CACNA1A: variants seen among roughly 807,000 people sequenced by gnomAD.
CACNA1A encodes the protein voltage-dependent P/Q-type calcium channel subunit alpha-1A.
A neutral mutation model predicts 262.4 loss-of-function variants in CACNA1A; 57 were observed. That is an observed-to-expected ratio of 0.22 (90% CI 0.18 to 0.27). The LOEUF (loss-of-function observed/expected upper bound fraction) is 0.27, where lower values mean the gene tolerates loss of function less well. Among genes scored for constraint, CACNA1A ranks in the 10% least tolerant of loss-of-function variants. CACNA1A has a pLI of 1.00. For synonymous variants in CACNA1A, 1,431 were observed against 1,419.3 expected (o/e 1.01, Z -0.18); for missense variants, 2,526 against 3,562.8 (o/e 0.71, Z 7.41).
At chr19:13,282,946 C>T (rs930192868) in intron 22 of CACNA1A, among the ~76,000 whole-genome samples, 1 of 152,156 alleles carries the variant, frequency 6.6e-6, no homozygotes, top group Non-Finnish European at 1.5e-5. Flanking sequence ...CCCAGTAACC[C>T]CCCTATTCCA....
chr19:13,312,765 A>T lies in CACNA1A; in HGVS notation c.1572T>A (p.Ile524=), dbSNP rs16010. The change falls in exon 12 of 47, where the codon ATT becomes ATA. Residue 524 remains isoleucine, a synonymous_variant. Coordinates refer to ENST00000360228, the MANE Select transcript of CACNA1A (RefSeq NM_001127222.2). ...LSDFLYYAEF[I]FLGLFMSEMF... ...TTTCGGACATAAAGAGTCCTAAGAAAATGAATTCTGCATAGTCTAGAAGGG... is the reference window on the plus strand; with the variant it reads ...TTTCGGACATAAAGAGTCCTAAGAATATGAATTCTGCATAGTCTAGAAGGG... 2.3e-4 allele frequency: 363 copies of T among 1,575,056 alleles called. 3 individuals carry two copies. In the East Asian group the frequency reaches 5.3e-3, roughly 23 times the overall value.
chr19:13,277,168 C>T (rs373780092), intron 22 of CACNA1A, 40 bp from the exon 23 acceptor site: 2 of 1,457,314 alleles, frequency 1.4e-6, no homozygotes, highest in African/African-American at 1.4e-5. Context: ...GATCACTGGC[C>T]TGTTCCAGCA....
chr19:13,210,736 G>C, intron 43 of CACNA1A, 84 bp from the exon 44 acceptor site: 73 of 1,289,782 alleles, frequency 5.7e-5, no homozygotes, highest in Non-Finnish European at 7.5e-5. Context: ...GAGTGAGGAG[G>C]TGGTGCATGG....
intron 1 of CACNA1A, among the ~76,000 whole-genome samples, chr19:13,483,427 A>G (rs1303339540): frequency 6.6e-6 from 1 of 151,832 alleles, no homozygotes; most frequent in Non-Finnish European, 1.5e-5. Context: ...CTCCACCCCA[A>G]CTCCATAAAG....
At chr19:13,293,395 C>A (rs1042490661) in intron 19 of CACNA1A, among the ~76,000 whole-genome samples, 1 of 149,072 alleles carries the variant, frequency 6.7e-6, no homozygotes, top group Non-Finnish European at 1.5e-5. Flanking sequence ...TGGTATAAGC[C>A]AGGAACCACT....
At chr19:13,266,237 G>T (rs12462025) in intron 24 of CACNA1A, among the ~76,000 whole-genome samples, 64,606 of 151,380 alleles carry the variant, frequency 0.43, 15,414 homozygotes, top group South Asian at 0.61. Context: ...TTAAATTAAA[G>T]AGATGGAATC....
intron 35 of CACNA1A, among the ~76,000 whole-genome samples, 197 bp downstream of exon 35, chr19:13,231,513 C>A (rs1389621734): frequency 6.6e-6 from 1 of 152,088 alleles, no homozygotes; most frequent in Non-Finnish European, 1.5e-5. Context: ...GATGGCCCCA[C>A]CCCAAAGAAT....
intron 1 of CACNA1A, among the ~76,000 whole-genome samples, chr19:13,495,755 A>C (rs1486969247): frequency 3.3e-5 from 5 of 151,596 alleles, no homozygotes; most frequent in Admixed American, 2.0e-4. Flanking sequence ...CCATCCACCC[A>C]CCCATTCAAC....
rs202005119 is a variant in CACNA1A at position 13,308,409 on chromosome 19, G to T, written c.1781+7C>A. On this transcript the variant is annotated splice_region_variant and intron_variant, in intron 13 of 46. Transcript: ENST00000360228. This position sits in a 1 kb window ranked among gnomAD's most constrained non-coding sequence, Gnocchi z 4.2. ...TGTACAAATGTCCAGGAACCCCAAAGACTTACTTTGTGACTTTGAAAATAC... is the reference window on the plus strand; with the variant it reads ...TGTACAAATGTCCAGGAACCCCAAATACTTACTTTGTGACTTTGAAAATAC... 71 of 1,587,034 alleles carry T rather than the reference G, an allele frequency of 4.5e-5. No homozygotes were observed. The Admixed American group carries it at 6.9e-4, about 15-fold the overall frequency.
chr19:13,283,135 C>A, intron 22 of CACNA1A, 132 bp downstream of exon 22: 1 of 1,072,126 alleles, frequency 9.3e-7, no homozygotes. Context: ...CCCCTCTCAA[C>A]CAGCAGCCAT....
At chr19:13,493,340 A>G (rs1981120829) in intron 1 of CACNA1A, among the ~76,000 whole-genome samples, 1 of 152,252 alleles carries the variant, frequency 6.6e-6, no homozygotes, top group Non-Finnish European at 1.5e-5. Flanking sequence ...GGAGCTGGAT[A>G]ATTCTTTACT....
intron 9 of CACNA1A, among the ~76,000 whole-genome samples, chr19:13,331,924 T>C (rs867207300): frequency 6.6e-6 from 1 of 152,166 alleles, no homozygotes; most frequent in Non-Finnish European, 1.5e-5. Flanking sequence ...CCTCCCAAAG[T>C]GTTGGGATTA....
chr19:13,221,477 C>A (rs908499315), intron 38 of CACNA1A, among the ~76,000 whole-genome samples: 2 of 151,640 alleles, frequency 1.3e-5, no homozygotes, highest in African/African-American at 4.8e-5. Flanking sequence ...AAGTGATCCA[C>A]CTTCCTCAGC....
In CACNA1A at chr19:13,285,008, C is replaced by T. The variant is rs909727434; in HGVS notation, c.3692+60G>A. On this transcript the variant is annotated intron_variant, in intron 21 of 46. Coordinates refer to ENST00000360228, the MANE Select transcript of CACNA1A (RefSeq NM_001127222.2). Reference sequence around the variant, plus strand: ...ACTCATTGCCCTCTATCTGGCCTGACTTCCGCCACCCTGGTGGGAGCCCCA... The same window carrying T: ...ACTCATTGCCCTCTATCTGGCCTGATTTCCGCCACCCTGGTGGGAGCCCCA... 2.1e-5 allele frequency: 34 copies of T among 1,597,636 alleles called. No homozygotes were observed. In the Admixed American group the frequency reaches 5.5e-4, roughly 26 times the overall value.
intron 1 of CACNA1A, among the ~76,000 whole-genome samples, chr19:13,483,309 A>C (rs1488007956): frequency 6.6e-6 from 1 of 152,146 alleles, no homozygotes; most frequent in African/African-American, 2.4e-5. Context: ...TGAGAAGTAC[A>C]TTCGTATTGC....
At chr19:13,463,610 T>C (rs1045371588) in intron 1 of CACNA1A, among the ~76,000 whole-genome samples, 5 of 152,150 alleles carry the variant, frequency 3.3e-5, no homozygotes, top group African/African-American at 1.2e-4. Flanking sequence ...TAACACTCTC[T>C]GAGACATCTG....
chr19:13,408,350 A>G (rs1160010408), intron 3 of CACNA1A, among the ~76,000 whole-genome samples: 2 of 152,308 alleles, frequency 1.3e-5, no homozygotes, highest in East Asian at 3.9e-4. Context: ...AGCCTGGGCA[A>G]CAGAGTGAGA....
intron 4 of CACNA1A, among the ~76,000 whole-genome samples, chr19:13,367,071 G>A (rs1254073460): frequency 6.6e-6 from 1 of 152,076 alleles, no homozygotes; most frequent in Non-Finnish European, 1.5e-5. Flanking sequence ...GAGGCCAGCG[G>A]ATTAACGAGG....
intron 38 of CACNA1A, among the ~76,000 whole-genome samples, chr19:13,220,377 G>A (rs1180536145): frequency 2.0e-5 from 3 of 152,192 alleles, no homozygotes; most frequent in Admixed American, 6.6e-5. Context: ...CTGGGTGGCA[G>A]ATGGGGAAGT....
Sources: gnomAD v4.1 joint callset for allele counts (sites outside exome capture counted in the v4.1 genomes callset) on GRCh38, gnomAD v4.1.1 for gene constraint, Gnocchi (gnomAD v3.1) non-coding constraint, MANE v1.5 for transcripts, NCBI Gene and HGNC (gene_info 2026-07-23, HGNC 2026-07-21) for gene names.